Variants in ALG12 observed in about 807,000 individuals in gnomAD.
ALG12 encodes the protein ALG12 alpha-1,6-mannosyltransferase, also known as dol-P-Man:Man(7)GlcNAc(2)-PP-Dol alpha-1,6-mannosyltransferase.
Under a neutral mutation model 46.0 loss-of-function variants are expected in ALG12, and 36 were observed. The observed-to-expected ratio is 0.78, with a 90% CI of 0.60 to 1.03. The LOEUF is 1.03. Among genes scored for constraint, ALG12 ranks in the 50% least tolerant of loss-of-function variants. The pLI is 0.00. For missense variants in ALG12, 599 were observed against 633.5 expected (o/e 0.95, Z 0.58); for synonymous variants, 326 against 291.6 (o/e 1.12, Z -1.20).
At chr22:49,910,163 G>C in intron 4 of ALG12, 75 bp from the exon 5 acceptor site, 232 of 1,418,776 alleles carry the variant, frequency 1.6e-4, no homozygotes, top group Non-Finnish European at 2.0e-4. Flanking sequence ...GGGAAGTGAA[G>C]GGTGATTCCT....
At chr22:49,896,164 A>C (rs964322447), downstream of ALG12, among the ~76,000 whole-genome samples, 2 of 152,224 alleles carry the variant, frequency 1.3e-5, no homozygotes, top group Admixed American at 6.5e-5. Context: ...AAATAATTCT[A>C]AATATGCACG....
chr22:49,880,715 G>C, the ALG12 span, among the ~76,000 whole-genome samples: 48 of 152,278 alleles, frequency 3.2e-4, 1 homozygote, highest in South Asian at 9.9e-3. Flanking sequence ...ATTTATTCCT[G>C]ATTCTTTGTA....
At chr22:49,869,526 T>C in the ALG12 span, among the ~76,000 whole-genome samples, 1 of 152,242 alleles carries the variant, frequency 6.6e-6, no homozygotes, top group Non-Finnish European at 1.5e-5. Flanking sequence ...CAGGGAATAT[T>C]TGTACTGCTT....
chr22:49,863,351 G>A, the ALG12 span, among the ~76,000 whole-genome samples: 2 of 152,186 alleles, frequency 1.3e-5, no homozygotes, highest in Non-Finnish European at 2.9e-5. Context: ...TTTGTAGGCC[G>A]GGTGTGGTGG....
the ALG12 span, among the ~76,000 whole-genome samples, chr22:49,862,149 G>A: frequency 6.6e-6 from 1 of 152,252 alleles, no homozygotes; most frequent in East Asian, 1.9e-4. Flanking sequence ...GAGCAGTTGA[G>A]ATCATTGAAT....
chr22:49,873,604 G>A, the ALG12 span, among the ~76,000 whole-genome samples: 20 of 151,996 alleles, frequency 1.3e-4, 3 homozygotes, highest in Admixed American at 6.5e-4. Context: ...ACCGATGGAC[G>A]TGCTTGATGC....
In ALG12 at chr22:49,901,568, T is replaced by C. The variant is rs2060505609; in HGVS notation, c.*2270A>G. On this transcript the variant is annotated 3_prime_UTR_variant, in exon 10 of 10. Transcript: ENST00000330817. ...GTGCATTGTGTGTGCACGATTGCAT[T>C]GTGTGGTGTGTATGCATGGTGTGTG... 2 of 143,380 alleles carry C rather than the reference T, an allele frequency of 1.4e-5. No individual in the cohort carries two copies. Among genetic ancestry groups the C allele is most frequent in the Non-Finnish European group, 1.5e-5 (1 of 66,566 alleles). The allele number at this position is 143,380 out of a possible 1,614,324, so 8.9% of individuals were successfully genotyped here.
the ALG12 span, among the ~76,000 whole-genome samples, chr22:49,861,440 C>A: frequency 6.6e-6 from 1 of 151,908 alleles, no homozygotes; most frequent in Non-Finnish European, 1.5e-5. Flanking sequence ...CCACACCTGA[C>A]CTGTTTGTTT....
the ALG12 span, chr22:49,883,431 A>C: frequency 2.1e-6 from 1 of 472,340 alleles, no homozygotes; most frequent in Admixed American, 3.8e-5. Context: ...TGTTGTCTAC[A>C]CCATGAGTGT....
At position 49,904,355 on chromosome 22, in the gene ALG12, G is replaced by A. The variant is rs745820643; in HGVS notation, c.1144C>T (p.Leu382=). ...CACCCACCTGTCTGGGGGGGCACCA[G>A]CTGGTGCAGCCTCTGCATTGCGACG... ...GGVAMQRLHQ[L]VPPQTDVLLH... is the part of the protein sequence containing the mutation. Residue 382 remains leucine (L), a synonymous_variant, in exon 8 of 10, where the codon CTG becomes TTG. Transcript: ENST00000330817. 104 of 1,614,118 alleles carry A rather than the reference G, an allele frequency of 6.4e-5. No homozygotes were observed. The highest frequency in any genetic ancestry group is 8.6e-5 in the Non-Finnish European group (101 of 1,180,044).
chr22:49,884,589 C>T, the ALG12 span: 9 of 1,612,256 alleles, frequency 5.6e-6, no homozygotes, highest in East Asian at 4.5e-5. Flanking sequence ...GCATTCACTG[C>T]ATGAACGAGT....
chr22:49,901,931 GTGTA>G lies in ALG12; in HGVS notation c.*1903_*1906del, dbSNP rs1054638541. On this transcript the variant is annotated 3_prime_UTR_variant, in exon 10 of 10. Coordinates refer to ENST00000330817, the MANE Select transcript of ALG12 (RefSeq NM_024105.4). ...ATGGTAATGTGCACGCATGCACTGT[GTGTA>G]TGCACGGTAATGTGCACGTGTGCAC... The G allele has an allele frequency of 7.7e-5, 11 of 142,264 alleles. No individual in the cohort carries two copies. The highest frequency in any genetic ancestry group is 1.7e-4 in the Non-Finnish European group (11 of 65,500). 8.8% of individuals were successfully genotyped at this position (142,264 alleles called of 1,614,324 possible).
chr22:49,882,658 C>G, the ALG12 span, among the ~76,000 whole-genome samples: 1 of 152,222 alleles, frequency 6.6e-6, no homozygotes, highest in Non-Finnish European at 1.5e-5. Flanking sequence ...CATGTTCCTT[C>G]ACTTCCAGCG....
Position 49,917,930 on chromosome 22 carries a change from C to CCCCCAGGTGGGAGGTCCGG in ALG12, c.-79+314_-79+332dup, listed in dbSNP as rs1281815529. 6.6e-5 allele frequency among the ~76,000 whole-genome samples: 6 copies of CCCCCAGGTGGGAGGTCCGG among 91,520 alleles called. No individual in the cohort carries two copies. The East Asian group carries it at 1.4e-3, about 21-fold the overall frequency. The allele number at this position is 91,520 out of a possible 152,430, so 60.0% of individuals were successfully genotyped here. ...CCCAGCCCCCAGGTGAAAAACCCAT[C>CCCCCAGGTGGGAGGTCCGG]CCCCAGGTGGGAGGTCCGGCCCCAG... On this transcript the variant is annotated intron_variant, in intron 1 of 9. Coordinates refer to ENST00000330817, the MANE Select transcript of ALG12 (RefSeq NM_024105.4).
At chr22:49,879,526 A>G in the ALG12 span, among the ~76,000 whole-genome samples, 87,231 of 149,404 alleles carry the variant, frequency 0.58, 28,919 homozygotes, top group East Asian at 0.85. Flanking sequence ...GTCCTTGTCC[A>G]CTAATTTTAT....
chr22:49,897,994 A>T (rs532285996), downstream of ALG12, among the ~76,000 whole-genome samples: 1 of 151,406 alleles, frequency 6.6e-6, no homozygotes. Context: ...GAGTTTTAAG[A>T]GTTCTTTGTA....
rs575862313 is a variant in ALG12, at chr22:49,903,023, G to A, written c.*815C>T. On this transcript the variant is annotated 3_prime_UTR_variant, in exon 10 of 10. Transcript: ENST00000330817. ...GCATGTATGCATGGTGTGTGCATAC[G>A]TGTGCAGCAGCACCTGGTCCCATCT... is the stretch of plus-strand genomic sequence containing the variant. 2.3e-5 allele frequency: 8 copies of A among 348,132 alleles called. No individual in the cohort carries two copies. Among genetic ancestry groups the A allele is most frequent in the Non-Finnish European group, 3.4e-5 (6 of 178,870 alleles). 21.6% of individuals were successfully genotyped at this position (348,132 alleles called of 1,614,324 possible). A position where few individuals can be genotyped will look rare whatever the true frequency, so the allele number is the denominator to read the frequency against.
chr22:49,862,931 A>G, the ALG12 span, among the ~76,000 whole-genome samples: 2 of 151,808 alleles, frequency 1.3e-5, no homozygotes, highest in African/African-American at 4.8e-5. Flanking sequence ...CGAACTCCTG[A>G]CCTTAGGTGA....
At chr22:49,884,323 C>T in the ALG12 span, 2 of 1,613,744 alleles carry the variant, frequency 1.2e-6, no homozygotes, top group Non-Finnish European at 1.7e-6. Flanking sequence ...GTCCCCCGAT[C>T]GAATAACAGA....
Sources: allele counts gnomAD v4.1 joint callset (sites outside exome capture counted in the v4.1 genomes callset), GRCh38; gene constraint gnomAD v4.1.1; transcripts MANE v1.5; gene names NCBI Gene and HGNC (gene_info 2026-07-23, HGNC 2026-07-21).